The following BRINP1 variants were observed in gnomAD, a reference collection of about 807,000 sequenced individuals.
BRINP1 encodes the protein BMP/retinoic acid-inducible neural-specific protein 1.
BRINP1 carries 17 observed loss-of-function variants against 72.9 expected under a neutral mutation model. That is an observed-to-expected ratio of 0.23 (90% CI 0.16 to 0.35). The LOEUF (loss-of-function observed/expected upper bound fraction) is 0.35. BRINP1 is among the 10% of genes least tolerant of loss of function. The probability of loss-of-function intolerance (pLI) is 1.00; values close to 1 mark genes in which losing one functional copy is unlikely to be tolerated. For synonymous variants in BRINP1, 418 were observed against 378.5 expected (o/e 1.10, Z -1.21); for missense variants, 850 against 1,001.6 (o/e 0.85, Z 2.04).
At chr9:119,341,928 T>A (rs1831410395) in intron 1 of BRINP1, among the ~76,000 whole-genome samples, 1 of 152,112 alleles carries the variant, frequency 6.6e-6, no homozygotes, top group Non-Finnish European at 1.5e-5. Flanking sequence ...CACACTCAGC[T>A]AATTTTTTTT....
chr9:119,172,516 G>C (rs1261370284), intron 7 of BRINP1, among the ~76,000 whole-genome samples: 6 of 151,554 alleles, frequency 4.0e-5, no homozygotes, highest in Admixed American at 3.9e-4. Context: ...AAGAGTCCAG[G>C]ACCAGATGGA....
At chr9:119,255,904 G>A (rs143720015) in intron 2 of BRINP1, among the ~76,000 whole-genome samples, 6,982 of 144,992 alleles carry the variant, frequency 0.048, 574 homozygotes, top group African/African-American at 0.17. Context: ...GCAGTGAGCC[G>A]GGATCGAGCC....
At chr9:119,229,731 T>C (rs1387993272) in intron 5 of BRINP1, among the ~76,000 whole-genome samples, 5 of 152,074 alleles carry the variant, frequency 3.3e-5, no homozygotes, top group Non-Finnish European at 7.4e-5. Context: ...TGGCATACAG[T>C]AGGCCCTCAG....
chr9:119,182,642 TGAA>T (rs1225897068), intron 7 of BRINP1, among the ~76,000 whole-genome samples: 1 of 152,164 alleles, frequency 6.6e-6, no homozygotes, highest in African/African-American at 2.4e-5. Flanking sequence ...AGGTAGAAGG[TGAA>T]CCCAAAAGCC....
intron 1 of BRINP1, among the ~76,000 whole-genome samples, chr9:119,314,893 T>C (rs567984801): frequency 6.6e-6 from 1 of 152,302 alleles, no homozygotes; most frequent in South Asian, 2.1e-4. Flanking sequence ...AAATGTCACG[T>C]ATCATGATGA....
Position 119,184,567 on chromosome 9 carries a change from C to T in BRINP1, c.1146-16343G>A, listed in dbSNP as rs568651041. ...GTCTTGGTTGCTCAAATTATACCCC[C>T]TGCTCCCCACTCCACACATGCATGC... On this transcript the variant is annotated intron_variant, in intron 7 of 7. Transcript: ENST00000265922. 1.3e-4 allele frequency among the ~76,000 whole-genome samples: 20 copies of T among 152,272 alleles called. 1 individual carries two copies. Among genetic ancestry groups the T allele is most frequent in the African/African-American group, 4.8e-4 (20 of 41,550 alleles).
intron 7 of BRINP1, among the ~76,000 whole-genome samples, chr9:119,189,269 A>AT (rs1176092600): frequency 1.3e-5 from 2 of 152,162 alleles, no homozygotes; most frequent in Non-Finnish European, 2.9e-5. Context: ...AAGGAAAAAA[A>AT]GGATCTATTA....
intron 5 of BRINP1, among the ~76,000 whole-genome samples, chr9:119,226,814 T>A (rs1356806896): frequency 2.0e-5 from 3 of 151,958 alleles, no homozygotes; most frequent in Admixed American, 6.6e-5. Context: ...AAGGTTATGG[T>A]GCTGGCACAT....
At chr9:119,251,250 G>A (rs1830384228) in intron 2 of BRINP1, among the ~76,000 whole-genome samples, 1 of 152,126 alleles carries the variant, frequency 6.6e-6, no homozygotes, top group South Asian at 2.1e-4. Context: ...TCCACGGAAG[G>A]GGAATGCACA....
chr9:119,327,388 C>T (rs1831250877), intron 1 of BRINP1, among the ~76,000 whole-genome samples: 4 of 152,134 alleles, frequency 2.6e-5, no homozygotes, highest in Admixed American at 2.6e-4. Context: ...TATGTATGTC[C>T]AGCATCTGGA....
chr9:119,355,527 G>A (rs910231221), intron 1 of BRINP1, among the ~76,000 whole-genome samples: 1 of 152,086 alleles, frequency 6.6e-6, no homozygotes, highest in African/African-American at 2.4e-5. Flanking sequence ...AGGAGATTGA[G>A]ACCATCCTGG....
intron 2 of BRINP1, among the ~76,000 whole-genome samples, chr9:119,275,029 T>C (rs1830642668): frequency 6.6e-6 from 1 of 152,126 alleles, no homozygotes; most frequent in African/African-American, 2.4e-5. Flanking sequence ...GAGGCTTAGA[T>C]AGGAATGTGG....
At chr9:119,266,810 T>C (rs1028500642) in intron 2 of BRINP1, among the ~76,000 whole-genome samples, 1 of 152,266 alleles carries the variant, frequency 6.6e-6, no homozygotes, top group Non-Finnish European at 1.5e-5. Flanking sequence ...TCCATCCATG[T>C]TGTTGCAAAT....
chr9:119,296,758 C>T (rs1830883842), intron 2 of BRINP1, among the ~76,000 whole-genome samples: 2 of 152,052 alleles, frequency 1.3e-5, no homozygotes, highest in Admixed American at 1.3e-4. Flanking sequence ...ATATGCCAGG[C>T]ACAGAAAGAC....
Position 119,283,497 on chromosome 9 carries a change from G to C in BRINP1, c.218+29641C>G, listed in dbSNP as rs964506781. 2.6e-5 allele frequency among the ~76,000 whole-genome samples: 4 copies of C among 152,182 alleles called. No homozygotes were observed. The South Asian group carries it at 8.3e-4, about 32-fold the overall frequency. ...AAGGAATTTTTTAAAGTGGTGGGAG[G>C]GGGAGGGTGAAATTCAACATCAAAC... is the stretch of plus-strand genomic sequence containing the variant. On this transcript the variant is annotated intron_variant, in intron 2 of 7. Transcript: ENST00000265922.
chr9:119,274,717 C>G (rs1333930966), intron 2 of BRINP1, among the ~76,000 whole-genome samples: 1 of 152,098 alleles, frequency 6.6e-6, no homozygotes, highest in Non-Finnish European at 1.5e-5. Context: ...CAGTCTCACA[C>G]CCATTCTAAA....
intron 1 of BRINP1, among the ~76,000 whole-genome samples, chr9:119,335,691 T>G (rs1831339580): frequency 6.6e-6 from 1 of 152,164 alleles, no homozygotes; most frequent in Admixed American, 6.5e-5. Context: ...CTATCTAATA[T>G]CAGTGATTTG....
chr9:119,193,579 T>C (rs1470515802), intron 7 of BRINP1, among the ~76,000 whole-genome samples: 1 of 152,144 alleles, frequency 6.6e-6, no homozygotes, highest in African/African-American at 2.4e-5. Flanking sequence ...AGTAACTAGG[T>C]GAGATGATAG....
chr9:119,303,460 T>C (rs571282426), intron 2 of BRINP1, among the ~76,000 whole-genome samples: 1 of 152,294 alleles, frequency 6.6e-6, no homozygotes, highest in South Asian at 2.1e-4. Flanking sequence ...GAAGACGAGA[T>C]GTCACAGACT....
Sources: allele counts gnomAD v4.1 joint callset (sites outside exome capture counted in the v4.1 genomes callset), GRCh38; gene constraint gnomAD v4.1.1; transcripts MANE v1.5; gene names NCBI Gene and HGNC (gene_info 2026-07-23, HGNC 2026-07-21).